Variants in NOTCH1 observed in about 807,000 individuals in gnomAD.
NOTCH1 encodes the protein neurogenic locus notch homolog protein 1.
NOTCH1 carries 37 observed loss-of-function variants against 254.8 expected under a neutral mutation model. The observed-to-expected ratio is 0.15, with a 90% CI of 0.11 to 0.19. NOTCH1 has a LOEUF of 0.19. NOTCH1 is among the 10% of genes least tolerant of loss of function. The probability of loss-of-function intolerance (pLI) is 1.00; values close to 1 mark genes in which losing one functional copy is unlikely to be tolerated. For missense variants in NOTCH1, 2,972 were observed against 3,708.6 expected, an observed-to-expected ratio of 0.80 and a Z score of 5.16; for synonymous variants, 1,731 against 1,618.1, an observed-to-expected ratio of 1.07 and a Z score of -1.68.
chr9:136,507,195 G>C, intron 22 of NOTCH1, 110 bp downstream of exon 22: 1 of 1,574,856 alleles, frequency 6.3e-7, no homozygotes. Context: ...ACAGGAAAAT[G>C]GGAGTTTCTG....
intron 2 of NOTCH1, among the ~76,000 whole-genome samples, chr9:136,534,199 C>T (rs1251910644): frequency 6.6e-6 from 1 of 152,232 alleles, no homozygotes; most frequent in Admixed American, 6.5e-5. Context: ...CAGGACCTGC[C>T]TCCCTGGGCC....
In NOTCH1 at chr9:136,530,148, G is replaced by A. The variant is rs189396514; in HGVS notation, c.141-6169C>T. ...CGGAGTTGGGTGGGGCGGGGGTCGC[G>A]GCCGGCCCGCCACAGCGCAGGGACC... On this transcript the variant is annotated intron_variant, in intron 2 of 33. Transcript: ENST00000651671. Among the ~76,000 whole-genome samples the A allele has an allele frequency of 3.2e-3, 493 of 152,300 alleles. 3 individuals carry two copies. The highest frequency in any genetic ancestry group is 0.011 in the African/African-American group (437 of 41,566).
intron 2 of NOTCH1, among the ~76,000 whole-genome samples, chr9:136,525,855 G>C (rs986754252): frequency 6.6e-6 from 1 of 152,252 alleles, no homozygotes; most frequent in Non-Finnish European, 1.5e-5. Flanking sequence ...TGTCTTCCCC[G>C]AAGGCTTTTA....
Position 136,515,796 on chromosome 9 carries a change from C to G in NOTCH1, c.1670-80G>C. ...CACCCATGACCAGACCTGGGGTCAC[C>G]TGTGCCAACCTGAGGAGGGCTCCGA... On this transcript the variant is annotated intron_variant, in intron 10 of 33. Coordinates refer to ENST00000651671, the MANE Select transcript of NOTCH1 (RefSeq NM_017617.5). 7 of 1,343,526 alleles carry G rather than the reference C, an allele frequency of 5.2e-6. No homozygotes were observed. The South Asian group carries it at 9.0e-5, about 17-fold the overall frequency. 83.2% of individuals were successfully genotyped at this position (1,343,526 alleles called of 1,614,324 possible).
intron 2 of NOTCH1, among the ~76,000 whole-genome samples, chr9:136,534,480 T>A (rs1370549905): frequency 6.6e-6 from 1 of 152,142 alleles, no homozygotes; most frequent in East Asian, 1.9e-4. Context: ...ACAACACGAC[T>A]ATTTCTTGGG....
At chr9:136,527,302 C>T (rs905672808) in intron 2 of NOTCH1, among the ~76,000 whole-genome samples, 2 of 152,248 alleles carry the variant, frequency 1.3e-5, no homozygotes, top group Admixed American at 6.5e-5. Flanking sequence ...TGGCCAGGAC[C>T]ACCAGCCTGT....
intron 3 of NOTCH1, 73 bp from the exon 4 acceptor site, chr9:136,523,261 C>T: frequency 4.2e-6 from 6 of 1,438,282 alleles, no homozygotes; most frequent in African/African-American, 1.4e-5. Flanking sequence ...TCCCTTCAGG[C>T]CACCTGGAGG....
rs1041313719 is a variant in NOTCH1 at position 136,534,226 on chromosome 9, C to G, written c.140+9798G>C. ...CCCTGGGCCTTGGCTCAGGCTGGGG[C>G]GAGACTGGCCTCCTGTGCTACCTGT... On this transcript the variant is annotated intron_variant, in intron 2 of 33. Transcript: ENST00000651671. Among the ~76,000 whole-genome samples the G allele has an allele frequency of 2.6e-5, 4 of 152,184 alleles. No homozygotes were observed. In the East Asian group the frequency reaches 5.8e-4, roughly 22 times the overall value.
At chr9:136,530,429 C>T (rs1271573916) in intron 2 of NOTCH1, among the ~76,000 whole-genome samples, 1 of 152,192 alleles carries the variant, frequency 6.6e-6, no homozygotes, top group Non-Finnish European at 1.5e-5. Flanking sequence ...TGCCCTCACC[C>T]GACATGGGAA....
chr9:136,512,972 TCCCACATAGGCCCCG>T (rs1589064172), intron 15 of NOTCH1, 34 bp downstream of exon 15: 1 of 294,228 alleles, frequency 3.4e-6, no homozygotes, highest in Non-Finnish European at 6.4e-6. Context: ...GTCCCGCCCC[TCCCACATAGGCCCCG>T]CCCCCTCCAG....
At chr9:136,525,219 C>T (rs1021869191) in intron 2 of NOTCH1, among the ~76,000 whole-genome samples, 8 of 152,282 alleles carry the variant, frequency 5.3e-5, no homozygotes, top group East Asian at 1.9e-4. Flanking sequence ...CCCCTCACCC[C>T]GGACACACAG....
intron 2 of NOTCH1, among the ~76,000 whole-genome samples, chr9:136,541,615 G>A (rs780392933): frequency 6.6e-6 from 1 of 152,196 alleles, no homozygotes; most frequent in African/African-American, 2.4e-5. Flanking sequence ...GACCTCCTGG[G>A]CCTTCTGAGA....
chr9:136,506,407 G>T lies in NOTCH1; in HGVS notation c.4014+120C>A. The T allele has an allele frequency of 1.4e-6, 1 of 734,028 alleles. No individual in the cohort carries two copies. 45.5% of individuals were successfully genotyped at this position (734,028 alleles called of 1,614,324 possible). A position where few individuals can be genotyped will look rare whatever the true frequency, so the allele number is the denominator to read the frequency against. ...CTAAAAAAAAAAAAAAGACATCAGG[G>T]TGAGGAGGAGGATGAAGGCCGGGAG... On this transcript the variant is annotated intron_variant, in intron 24 of 33. Coordinates refer to ENST00000651671, the MANE Select transcript of NOTCH1 (RefSeq NM_017617.5). This position sits in a 1 kb window ranked among gnomAD's most constrained non-coding sequence, Gnocchi z 4.5.
intron 9 of NOTCH1, among the ~76,000 whole-genome samples, chr9:136,516,512 T>G (rs1843274666): frequency 6.6e-6 from 1 of 152,074 alleles, no homozygotes; most frequent in Non-Finnish European, 1.5e-5. Context: ...CCCTGAGAGT[T>G]CCTCCAAGTC....
Position 136,513,469 on chromosome 9 carries a change from G to C in NOTCH1, c.2276C>G (p.Ser759Cys). The C allele has an allele frequency of 6.2e-7, 1 of 1,613,240 alleles. No individual in the cohort carries two copies. Among genetic ancestry groups the C allele is most frequent in the Non-Finnish European group, 8.5e-7 (1 of 1,180,004 alleles). Residue 759 changes from serine (S) to cysteine (C), a missense_variant, in exon 14 of 34, where the codon TCC becomes TGC. By Grantham distance (112) the Ser-to-Cys change is moderately radical. Transcript: ENST00000651671. The surrounding 1 kb of genome is among the most constrained non-coding windows in gnomAD (Gnocchi z 4.7). ...GGTGCCGCCGTTGACACAAGGGTTG[G>C]ATTCACACTCATTGTTGTTGATGTC... ...NCDINNNECESNPCVNGGTCK... is the reference protein window; with the variant it reads ...NCDINNNECECNPCVNGGTCK...
chr9:136,500,767 G>A lies in NOTCH1; in HGVS notation c.5719C>T (p.Pro1907Ser), dbSNP rs2133326483. ...TAGATGAAGTCGGAGATGACGGCCG[G>A]CGCGTCCTCCTCTTCCTCGCTGTTG... The part of the protein sequence containing the change: ...TGNSEEEEDA[P>S]AVISDFIYQG... Residue 1907 changes from proline (P) to serine (S), a missense_variant, in exon 31 of 34, where the codon CCG becomes TCG. By Grantham distance (74) the Pro-to-Ser change is moderately conservative. This residue lies in a region of NOTCH1 where 421 missense variants were observed against 604.4 expected (regional missense o/e 0.70). Transcript: ENST00000651671. The A allele has an allele frequency of 1.2e-6, 2 of 1,603,890 alleles. No individual in the cohort carries two copies. The highest frequency in any genetic ancestry group is 8.5e-7 in the Non-Finnish European group (1 of 1,179,808).
chr9:136,500,810 C>A lies in NOTCH1; in HGVS notation c.5676G>T (p.Gly1892=). 1 of 1,599,148 alleles carries A rather than the reference C, an allele frequency of 6.3e-7. No homozygotes were observed. Among genetic ancestry groups the A allele is most frequent in the Non-Finnish European group, 8.5e-7 (1 of 1,179,540 alleles). ...CGCTGTTGCCCGTCTCCAGGCCGCC[C>A]CCGCTGCAGGAGGCGATCATGAGCG... ...FTPLMIASCS[G]GGLETGNSEE... is the part of the protein sequence containing the mutation. The change falls in exon 31 of 34, where the codon GGG becomes GGT. Residue 1892 remains glycine, a synonymous_variant. Coordinates refer to ENST00000651671, the MANE Select transcript of NOTCH1 (RefSeq NM_017617.5).
At chr9:136,529,694 C>T (rs1589076441) in intron 2 of NOTCH1, among the ~76,000 whole-genome samples, 1 of 152,256 alleles carries the variant, frequency 6.6e-6, no homozygotes, top group South Asian at 2.1e-4. Flanking sequence ...CTGGCTGGAG[C>T]CTCTGCGGTG....
rs1472425155 is a variant in NOTCH1, at chr9:136,496,811, A to G, written c.6928T>C (p.Trp2310Arg). The change falls in exon 34 of 34, where the codon TGG becomes CGG. Residue 2310 changes from tryptophan (W) to arginine (R), a missense_variant. Transcript: ENST00000651671. Reference sequence around the variant, plus strand: ...ATGCCGCTCTGCAGCCGGGACAGCCACTCGCATTGACCATTCAAACTGGTG... The same window carrying G: ...ATGCCGCTCTGCAGCCGGGACAGCCGCTCGCATTGACCATTCAAACTGGTG... ...GSTSLNGQCEWLSRLQSGMVP... is the reference protein window; with the variant it reads ...GSTSLNGQCERLSRLQSGMVP... 1 of 1,612,852 alleles carries G rather than the reference A, an allele frequency of 6.2e-7. No individual in the cohort carries two copies. Among genetic ancestry groups the G allele is most frequent in the Non-Finnish European group, 8.5e-7 (1 of 1,179,994 alleles).
Sources: gnomAD v4.1 joint callset for allele counts (sites outside exome capture counted in the v4.1 genomes callset) on GRCh38, gnomAD v4.1.1 for gene constraint, gnomAD v4.1.1 regional missense constraint, Gnocchi (gnomAD v3.1) non-coding constraint, MANE v1.5 for transcripts, NCBI Gene and HGNC (gene_info 2026-07-23, HGNC 2026-07-21) for gene names.